Variants in ISL2 observed in about 807,000 individuals in gnomAD.
ISL2 encodes the protein insulin gene enhancer protein ISL-2.
A neutral mutation model predicts 34.6 loss-of-function variants in ISL2; 17 were observed. The ratio of observed to expected loss-of-function variants is 0.49; its 90% CI spans 0.34 to 0.74. ISL2 has a LOEUF of 0.74. Among genes scored for constraint, ISL2 ranks in the 30% least tolerant of loss-of-function variants. ISL2 has a pLI of 0.01. For synonymous variants in ISL2, 232 were observed against 225.5 expected (o/e 1.03, Z -0.26); for missense variants, 469 against 515.2 (o/e 0.91, Z 0.87).
intron 3 of ISL2, chr15:76,339,167 G>A: frequency 2.0e-6 from 2 of 985,384 alleles, no homozygotes; most frequent in South Asian, 4.7e-5. Context: ...CAGAAACAGA[G>A]GTGCCTCCAC....
chr15:76,337,914 G>A lies in ISL2; in HGVS notation c.195G>A (p.Thr65=), dbSNP rs151069345. Residue 65 remains threonine, a synonymous_variant, in exon 2 of 6, where the codon ACG becomes ACA. Transcript: ENST00000290759. ...CAECSQYLDE[T]CTCFVRDGKT... ...AGTGCAGCCAGTACCTGGACGAGAC[G>A]TGCACGTGCTTCGTGAGAGACGGGA... The A allele has an allele frequency of 1.9e-6, 3 of 1,611,920 alleles. No homozygotes were observed. The highest frequency in any genetic ancestry group is 2.2e-5 in the South Asian group (2 of 90,884).
chr15:76,342,130 C>A lies in ISL2; in HGVS notation c.*295C>A, dbSNP rs2040199384. The A allele has an allele frequency of 3.8e-6, 1 of 260,084 alleles. No homozygotes were observed. Among genetic ancestry groups the A allele is most frequent in the South Asian group, 7.9e-5 (1 of 12,598 alleles). The allele number at this position is 260,084 out of a possible 1,614,324, so 16.1% of individuals were successfully genotyped here. On this transcript the variant is annotated 3_prime_UTR_variant, in exon 6 of 6. Coordinates refer to ENST00000290759, the MANE Select transcript of ISL2 (RefSeq NM_145805.3). ...CCTCTCTACGTGGCCGCCGCTCTGT[C>A]TCTCCACGCCCCACCTGTGTCCCCA...
chr15:76,341,101 TCGAGCA>T (rs2040189411), intron 4 of ISL2, 27 bp from the exon 5 acceptor site: 1 of 1,525,272 alleles, frequency 6.6e-7, no homozygotes, highest in South Asian at 1.3e-5. Context: ...CAGACCTAAC[TCGAGCA>T]CCTACTGCCT....
chr15:76,337,383 C>A, intron 1 of ISL2: 1 of 310,140 alleles, frequency 3.2e-6, no homozygotes, highest in Non-Finnish European at 5.9e-6. Context: ...GGATAGGAGG[C>A]AGCCGCTGTG....
intron 3 of ISL2, 80 bp downstream of exon 3, chr15:76,338,594 C>G: frequency 4.8e-6 from 6 of 1,257,852 alleles, no homozygotes; most frequent in Non-Finnish European, 6.0e-6. Context: ...GTGTCCCTAA[C>G]GAGAAGTTGT....
intron 3 of ISL2, chr15:76,339,707 C>G: frequency 1.0e-6 from 1 of 985,776 alleles, no homozygotes; most frequent in Non-Finnish European, 1.2e-6. Flanking sequence ...TGTTGCAAGC[C>G]CTGGAGGCCC....
At chr15:76,338,031 G>A (rs2040165434) in intron 2 of ISL2, 64 bp downstream of exon 2, 2 of 1,362,136 alleles carry the variant, frequency 1.5e-6, no homozygotes, top group Non-Finnish European at 1.9e-6. Flanking sequence ...GACTGGGGAT[G>A]GCGGCCTGCC....
Position 76,342,326 on chromosome 15 carries a change from T to G in ISL2, c.*491T>G, listed in dbSNP as rs2040200797. ...GCTGGGAAACAGTAGAAACCAGACT[T>G]GCCTTGAAAGTGTTTAAGTTATTCG... On this transcript the variant is annotated 3_prime_UTR_variant, in exon 6 of 6. Transcript: ENST00000290759. The G allele has an allele frequency of 1.3e-5, 2 of 154,992 alleles. No individual in the cohort carries two copies. The highest frequency in any genetic ancestry group is 2.9e-5 in the Non-Finnish European group (2 of 69,940). The allele number at this position is 154,992 out of a possible 1,614,324, so 9.6% of individuals were successfully genotyped here.
In ISL2 at chr15:76,338,411, G is replaced by A. The variant is rs1448744173; in HGVS notation, c.408G>A (p.Glu136=). 3.3e-6 allele frequency: 5 copies of A among 1,522,398 alleles called. No homozygotes were observed. Among genetic ancestry groups the A allele is most frequent in the Non-Finnish European group, 4.4e-6 (5 of 1,144,638 alleles). 94.3% of individuals were successfully genotyped at this position (1,522,398 alleles called of 1,614,324 possible). A position where few individuals can be genotyped will look rare whatever the true frequency, so the allele number is the denominator to read the frequency against. Residue 136 remains glutamate (E), a synonymous_variant, in exon 3 of 6, where the codon GAG becomes GAA. Coordinates refer to ENST00000290759, the MANE Select transcript of ISL2 (RefSeq NM_145805.3). ...PGDEFSLREH[E]LLCRADHGLL... ...ACGAGTTCTCGCTGCGGGAGCACGA[G>A]CTGCTCTGCCGCGCCGACCACGGCC...
intron 3 of ISL2, chr15:76,339,585 G>C (rs1407912663): frequency 1.0e-6 from 1 of 985,498 alleles, no homozygotes; most frequent in African/African-American, 1.7e-5. Flanking sequence ...CAAGCGAGGA[G>C]AGTGCCAGCG....
intron 3 of ISL2, chr15:76,339,244 C>A: frequency 3.0e-6 from 3 of 985,374 alleles, no homozygotes; most frequent in Non-Finnish European, 3.6e-6. Flanking sequence ...CCAGGCTGGG[C>A]CTCTGGGTGC....
At chr15:76,341,003 C>T in intron 4 of ISL2, 131 bp from the exon 5 acceptor site, 3 of 894,734 alleles carry the variant, frequency 3.4e-6, no homozygotes, top group South Asian at 1.9e-5. Context: ...TCTTCCGATG[C>T]GATCGAGTGT....
chr15:76,338,623 T>G (rs754159178), intron 3 of ISL2, 109 bp downstream of exon 3: 2 of 1,237,922 alleles, frequency 1.6e-6, no homozygotes, highest in South Asian at 3.3e-5. Flanking sequence ...TGTGGTTCCG[T>G]CTGCCGGGAT....
intron 1 of ISL2, 184 bp from the exon 2 acceptor site, chr15:76,337,593 AC>A (rs753543647): frequency 7.1e-5 from 36 of 508,040 alleles, no homozygotes; most frequent in African/African-American, 4.8e-4. Flanking sequence ...TCAGCAATCC[AC>A]AAGATACTGG....
Position 76,340,391 on chromosome 15 carries a change from C to T in ISL2, c.627C>T (p.Cys209=), listed in dbSNP as rs1203466674. ...AGCAGCTGCACACTCTGCGGACCTG[C>T]TACGCCGCCAACCCGCGGCCCGACG... ...NEKQLHTLRT[C]YAANPRPDAL... Residue 209 remains cysteine, a synonymous_variant, in exon 4 of 6, where the codon TGC becomes TGT. Coordinates refer to ENST00000290759, the MANE Select transcript of ISL2 (RefSeq NM_145805.3). The T allele has an allele frequency of 4.3e-6, 7 of 1,613,686 alleles. No homozygotes were observed. In the South Asian group the frequency reaches 5.5e-5, roughly 13 times the overall value.
At position 76,340,445 on chromosome 15, in the gene ISL2, G is replaced by C. The variant is rs770224108; in HGVS notation, c.681G>C (p.Met227Ile). ...TCATGAAGGAGCAGCTGGTGGAGAT[G>C]ACCGGCCTGAGCCCGCGGGTCATCC... ...DALMKEQLVE[M>I]TGLSPRVIRV... Residue 227 changes from methionine to isoleucine, a missense_variant, in exon 4 of 6, where the codon ATG (methionine) becomes ATC (isoleucine). By Grantham distance (10) the Met-to-Ile change is conservative (BLOSUM62 1). This residue lies in a region of ISL2 where 297 missense variants were observed against 337.8 expected (regional missense o/e 0.88). Coordinates refer to ENST00000290759, the MANE Select transcript of ISL2 (RefSeq NM_145805.3). The C allele has an allele frequency of 1.2e-6, 2 of 1,613,832 alleles. No individual in the cohort carries two copies. The highest frequency in any genetic ancestry group is 8.5e-7 in the Non-Finnish European group (1 of 1,179,996).
intron 3 of ISL2, chr15:76,339,512 G>A (rs913911121): frequency 8.1e-6 from 8 of 985,520 alleles, no homozygotes; most frequent in Non-Finnish European, 9.6e-6. Flanking sequence ...TGTTTGTTTC[G>A]GGCTTCAGGG....
chr15:76,341,994 G>A lies in ISL2; in HGVS notation c.*159G>A, dbSNP rs866310720. 1.7e-4 allele frequency: 103 copies of A among 606,014 alleles called. No homozygotes were observed. The highest frequency in any genetic ancestry group is 1.7e-3 in the African/African-American group (90 of 54,326). 37.5% of individuals were successfully genotyped at this position (606,014 alleles called of 1,614,324 possible). On this transcript the variant is annotated 3_prime_UTR_variant, in exon 6 of 6. Transcript: ENST00000290759. ...AGAGACACGGTCTGGACAGCCCAAG[G>A]CGCCAGGATGCAACCTGCTTTCACC... is the stretch of plus-strand genomic sequence containing the variant.
In ISL2 at chr15:76,341,978, G is replaced by A. The variant is rs2040197835; in HGVS notation, c.*143G>A. ...TTATGAGAGAGTACCGAGAGACACG[G>A]TCTGGACAGCCCAAGGCGCCAGGAT... On this transcript the variant is annotated 3_prime_UTR_variant, in exon 6 of 6. Transcript: ENST00000290759. 4.6e-6 allele frequency: 3 copies of A among 651,952 alleles called. No individual in the cohort carries two copies. The South Asian group carries it at 5.4e-5, about 12-fold the overall frequency. The allele number at this position is 651,952 out of a possible 1,614,324, so 40.4% of individuals were successfully genotyped here.
Sources: allele counts gnomAD v4.1 joint callset, GRCh38; gene constraint gnomAD v4.1.1; regional missense constraint gnomAD v4.1.1; transcripts MANE v1.5; gene names NCBI Gene and HGNC (gene_info 2026-07-23, HGNC 2026-07-21).